Variants in TRIM58 observed in about 807,000 individuals in gnomAD.
TRIM58 encodes the protein E3 ubiquitin-protein ligase TRIM58.
TRIM58 carries 38 observed loss-of-function variants against 34.1 expected under a neutral mutation model. The ratio of observed to expected loss-of-function variants is 1.12; its 90% CI spans 0.86 to 1.46. The LOEUF (loss-of-function observed/expected upper bound fraction) is 1.46. TRIM58 is among the 40% of genes most tolerant of loss of function. TRIM58 has a pLI of 0.00. For synonymous variants in TRIM58, 273 were observed against 275.7 expected, an observed-to-expected ratio of 0.99 and a Z score of 0.10; for missense variants, 677 against 642.0, an observed-to-expected ratio of 1.05 and a Z score of -0.59.
At chr1:247,861,745 CTA>C (rs1663798724) in intron 2 of TRIM58, among the ~76,000 whole-genome samples, 2 of 152,002 alleles carry the variant, frequency 1.3e-5, no homozygotes, top group Non-Finnish European at 2.9e-5. Context: ...ACTTTTTAAA[CTA>C]TATTTTTCTT....
Position 247,860,560 on chromosome 1 carries a change from G to T in TRIM58, c.421-57G>T, listed in dbSNP as rs913375753. On this transcript the variant is annotated intron_variant, in intron 1 of 5. Coordinates refer to ENST00000366481, the MANE Select transcript of TRIM58 (RefSeq NM_015431.4). ...GACTTTTGTATTTCCTCACACATCT[G>T]TGTGACGTTAGGTACAGATTGAGGG... 3.2e-6 allele frequency: 4 copies of T among 1,236,214 alleles called. No homozygotes were observed. The African/African-American group carries it at 6.0e-5, about 19-fold the overall frequency. 76.6% of individuals were successfully genotyped at this position (1,236,214 alleles called of 1,614,324 possible). A position where few individuals can be genotyped will look rare whatever the true frequency, so the allele number is the denominator to read the frequency against.
intron 1 of TRIM58, among the ~76,000 whole-genome samples, chr1:247,858,608 C>G (rs986417520): frequency 6.6e-6 from 1 of 152,054 alleles, no homozygotes; most frequent in African/African-American, 2.4e-5. Context: ...CCTTCCTTCT[C>G]TACCAATATC....
chr1:247,857,352 T>C lies in TRIM58; in HGVS notation c.106T>C (p.Cys36Arg). ...CAGCGTGGACTGCGGCCACAGCTTCTGCCTCAGGTGCATCTCCGAGTTCTG... is the reference window on the plus strand; with the variant it reads ...CAGCGTGGACTGCGGCCACAGCTTCCGCCTCAGGTGCATCTCCGAGTTCTG... ...PVSVDCGHSF[C>R]LRCISEFCEK... Residue 36 changes from cysteine to arginine, a missense_variant, in exon 1 of 6, where the codon TGC (cysteine) becomes CGC (arginine). Coordinates refer to ENST00000366481, the MANE Select transcript of TRIM58 (RefSeq NM_015431.4). 1 of 1,515,628 alleles carries C rather than the reference T, an allele frequency of 6.6e-7. No homozygotes were observed. Among genetic ancestry groups the C allele is most frequent in the Non-Finnish European group, 8.9e-7 (1 of 1,129,688 alleles). 93.9% of individuals were successfully genotyped at this position (1,515,628 alleles called of 1,614,324 possible).
In TRIM58 at chr1:247,857,595, G is replaced by C; in HGVS notation, c.349G>C (p.Val117Leu). The change falls in exon 1 of 6, where the codon GTG becomes CTG. Residue 117 changes from valine (V) to leucine (L), a missense_variant. By Grantham distance (32) the Val-to-Leu change is conservative. Coordinates refer to ENST00000366481, the MANE Select transcript of TRIM58 (RefSeq NM_015431.4). ...GGAGGACGAGGCGGCGCTGTGCTGGGTGTGCGACGCCGGCCCCGAGCACAG... is the reference window on the plus strand; with the variant it reads ...GGAGGACGAGGCGGCGCTGTGCTGGCTGTGCGACGCCGGCCCCGAGCACAG... ...CEEDEAALCW[V>L]CDAGPEHRTH... is the part of the protein sequence containing the mutation. 3 of 1,262,582 alleles carry C rather than the reference G, an allele frequency of 2.4e-6. No homozygotes were observed. Among genetic ancestry groups the C allele is most frequent in the Non-Finnish European group, 2.0e-6 (2 of 1,007,600 alleles). 78.2% of individuals were successfully genotyped at this position (1,262,582 alleles called of 1,614,324 possible). A position where few individuals can be genotyped will look rare whatever the true frequency, so the allele number is the denominator to read the frequency against.
intron 2 of TRIM58, among the ~76,000 whole-genome samples, chr1:247,863,561 C>T (rs1663849896): frequency 6.6e-6 from 1 of 151,244 alleles, no homozygotes; most frequent in South Asian, 2.1e-4. Context: ...AAAAAAAAAC[C>T]AGGCAAATGA....
At chr1:247,867,815 ACT>A (rs1663965142) in intron 3 of TRIM58, 28 bp from the exon 4 acceptor site, 2 of 1,613,998 alleles carry the variant, frequency 1.2e-6, no homozygotes, top group African/African-American at 1.3e-5. Context: ...TCAGAGTCCA[ACT>A]CACACTGTGT....
At chr1:247,871,453 T>G (rs1659119818) in intron 5 of TRIM58, among the ~76,000 whole-genome samples, 1 of 152,230 alleles carries the variant, frequency 6.6e-6, no homozygotes, top group Admixed American at 6.5e-5. Context: ...GATTCAGTAT[T>G]GTTTACAATT....
Position 247,867,917 on chromosome 1 carries a change from T to G in TRIM58, c.771-46T>G. Reference sequence around the variant, plus strand: ...AAGGGATTGGGAGAGGCAGAGGAGCTGGTGGAGAACCCTGCTGACTTCTGT... The same window carrying G: ...AAGGGATTGGGAGAGGCAGAGGAGCGGGTGGAGAACCCTGCTGACTTCTGT... On this transcript the variant is annotated intron_variant, in intron 4 of 5. Coordinates refer to ENST00000366481, the MANE Select transcript of TRIM58 (RefSeq NM_015431.4). 2.5e-6 allele frequency: 4 copies of G among 1,613,806 alleles called. No individual in the cohort carries two copies. In the South Asian group the frequency reaches 4.4e-5, roughly 18 times the overall value.
Position 247,876,342 on chromosome 1 carries a change from A to G in TRIM58, c.1314A>G (p.Gln438=), listed in dbSNP as rs373573748. The G allele has an allele frequency of 2.5e-5, 40 of 1,613,562 alleles. No homozygotes were observed. Among genetic ancestry groups the G allele is most frequent in the Non-Finnish European group, 8.5e-6 (10 of 1,179,958 alleles). Residue 438 remains glutamine (Q), a synonymous_variant, in exon 6 of 6, where the codon CAA becomes CAG. Coordinates refer to ENST00000366481, the MANE Select transcript of TRIM58 (RefSeq NM_015431.4). ...TDGSYIYTFN[Q]LFSGLLRPYF... ...GATCTTATATCTACACATTCAACCAACTCTTCTCTGGTCTTCTTCGGCCTT... is the reference window on the plus strand; with the variant it reads ...GATCTTATATCTACACATTCAACCAGCTCTTCTCTGGTCTTCTTCGGCCTT...
intron 5 of TRIM58, among the ~76,000 whole-genome samples, chr1:247,873,269 C>T (rs1343888595): frequency 6.6e-6 from 1 of 151,988 alleles, no homozygotes; most frequent in Non-Finnish European, 1.5e-5. Context: ...TTCATCAACA[C>T]GGAGGTCCCT....
chr1:247,860,674 C>G lies in TRIM58; in HGVS notation c.478C>G (p.Gln160Glu). ...GAAAGAGTTGGAGGACGCCTTGACT[C>G]AGGAGGCCAACGTGGGGAAAAAGAC... ...MRKELEDALTQEANVGKKTVI... is the reference protein window; with the variant it reads ...MRKELEDALTEEANVGKKTVI... Residue 160 changes from glutamine (Q) to glutamate (E), a missense_variant, in exon 2 of 6, where the codon CAG becomes GAG. Coordinates refer to ENST00000366481, the MANE Select transcript of TRIM58 (RefSeq NM_015431.4). 3.7e-6 allele frequency: 6 copies of G among 1,613,712 alleles called. No individual in the cohort carries two copies. The highest frequency in any genetic ancestry group is 1.7e-4 in the Middle Eastern group (1 of 6,060).
chr1:247,865,421 A>G (rs1663896739), intron 3 of TRIM58, among the ~76,000 whole-genome samples: 1 of 152,218 alleles, frequency 6.6e-6, no homozygotes, highest in Non-Finnish European at 1.5e-5. Context: ...CCATGATAGC[A>G]TTGCTGTTTT....
chr1:247,869,929 G>A (rs1558351672), intron 5 of TRIM58, among the ~76,000 whole-genome samples: 1 of 152,218 alleles, frequency 6.6e-6, no homozygotes, highest in African/African-American at 2.4e-5. Context: ...AAGGGAGATG[G>A]GGAGGTGTGG....
chr1:247,879,618 C>A lies in TRIM58; in HGVS notation c.*3129C>A, dbSNP rs376904373. Among the ~76,000 whole-genome samples the A allele has an allele frequency of 1.3e-4, 19 of 151,844 alleles. No homozygotes were observed. The highest frequency in any genetic ancestry group is 2.2e-4 in the Non-Finnish European group (15 of 68,014). On this transcript the variant is annotated 3_prime_UTR_variant, in exon 6 of 6. Transcript: ENST00000366481. ...CCCTAGAGGATCTGAACCCCCATCC[C>A]TCCTCTGATTATCTCTCCCACCCCC...
At chr1:247,863,798 C>G (rs1203018267) in intron 2 of TRIM58, among the ~76,000 whole-genome samples, 1 of 152,148 alleles carries the variant, frequency 6.6e-6, no homozygotes, top group Non-Finnish European at 1.5e-5. Flanking sequence ...TTCCTTAGGT[C>G]TATTCAGAAA....
Position 247,860,567 on chromosome 1 carries a change from G to A in TRIM58, c.421-50G>A, listed in dbSNP as rs557050250. On this transcript the variant is annotated intron_variant, in intron 1 of 5. Transcript: ENST00000366481. ...GTATTTCCTCACACATCTGTGTGAC[G>A]TTAGGTACAGATTGAGGGCATCTGT... 43 of 1,310,626 alleles carry A rather than the reference G, an allele frequency of 3.3e-5. 2 individuals are homozygous for A. In the South Asian group the frequency reaches 4.3e-4, roughly 13 times the overall value. The allele number at this position is 1,310,626 out of a possible 1,614,324, so 81.2% of individuals were successfully genotyped here.
chr1:247,864,911 G>A lies in TRIM58; in HGVS notation c.723G>A (p.Gln241=). Residue 241 remains glutamine, a synonymous_variant, in exon 3 of 6, where the codon CAG becomes CAA. Coordinates refer to ENST00000366481, the MANE Select transcript of TRIM58 (RefSeq NM_015431.4). ...CGGATGAGCTGCAGGAGAGGTGCCA[G>A]CGCCCGGCCCTGGGTCTGCTGGAGG... ...ELADELQERC[Q]RPALGLLEGV... The A allele has an allele frequency of 6.3e-7, 1 of 1,592,708 alleles. No individual in the cohort carries two copies.
At chr1:247,867,294 A>G (rs1386659286) in intron 3 of TRIM58, among the ~76,000 whole-genome samples, 1 of 152,246 alleles carries the variant, frequency 6.6e-6, no homozygotes, top group Non-Finnish European at 1.5e-5. Context: ...AATTACATGC[A>G]GAATGTTACT....
At chr1:247,862,731 A>G (rs1303699448) in intron 2 of TRIM58, among the ~76,000 whole-genome samples, 1 of 152,220 alleles carries the variant, frequency 6.6e-6, no homozygotes, top group Non-Finnish European at 1.5e-5. Flanking sequence ...TAAGCCAAGT[A>G]AACTTGCATG....
Sources: gnomAD v4.1 joint callset for allele counts (sites outside exome capture counted in the v4.1 genomes callset) on GRCh38, gnomAD v4.1.1 for gene constraint, MANE v1.5 for transcripts, NCBI Gene and HGNC (gene_info 2026-07-23, HGNC 2026-07-21) for gene names.